The following ACACA variants were observed in gnomAD, a reference collection of about 807,000 sequenced individuals.
The protein encoded by ACACA is acetyl-CoA carboxylase 1.
In ACACA, 103 loss-of-function variants were observed where a neutral mutation model predicts 296.1. That is an observed-to-expected ratio of 0.35 (90% CI 0.30 to 0.41). The LOEUF (loss-of-function observed/expected upper bound fraction) is 0.41. ACACA is among the 10% of genes least tolerant of loss of function. The pLI is 1.00. For synonymous variants in ACACA, 953 were observed against 1,038.6 expected, an observed-to-expected ratio of 0.92 and a Z score of 1.58; for missense variants, 1,554 against 2,989.7, an observed-to-expected ratio of 0.52 and a Z score of 11.20.
chr17:37,155,269 C>T (rs1020436192), intron 43 of ACACA, among the ~76,000 whole-genome samples: 2 of 151,874 alleles, frequency 1.3e-5, no homozygotes, highest in African/African-American at 4.8e-5. Flanking sequence ...TAAGAATACA[C>T]GAAATTTCCC....
chr17:37,237,330 G>A (rs1454705543), intron 24 of ACACA, among the ~76,000 whole-genome samples: 1 of 152,078 alleles, frequency 6.6e-6, no homozygotes, highest in Non-Finnish European at 1.5e-5. Flanking sequence ...AAATACTCCT[G>A]TATATGTATC....
chr17:37,093,330 A>G (rs2072768817), intron 54 of ACACA, among the ~76,000 whole-genome samples: 1 of 152,220 alleles, frequency 6.6e-6, no homozygotes, highest in South Asian at 2.1e-4. Flanking sequence ...ATGCCAAACC[A>G]AAGAGCGTCT....
intron 24 of ACACA, among the ~76,000 whole-genome samples, 176 bp from the exon 25 acceptor site, chr17:37,235,275 G>C (rs2080056216): frequency 6.6e-6 from 1 of 152,138 alleles, no homozygotes; most frequent in South Asian, 2.1e-4. Flanking sequence ...AGGAACACTG[G>C]ACTAGGAGTC....
intron 1 of ACACA, among the ~76,000 whole-genome samples, chr17:37,349,521 G>A (rs2147451967): frequency 6.8e-6 from 1 of 146,864 alleles, no homozygotes; most frequent in Non-Finnish European, 1.5e-5. Flanking sequence ...TTACATATGT[G>A]TGTGTGTGTG....
chr17:37,344,074 A>G (rs1283179925), intron 1 of ACACA, among the ~76,000 whole-genome samples: 1 of 151,638 alleles, frequency 6.6e-6, no homozygotes, highest in Non-Finnish European at 1.5e-5. Context: ...CAAAAAATAT[A>G]AACAAAAAAA....
chr17:37,354,492 T>C (rs2049042899), intron 1 of ACACA, among the ~76,000 whole-genome samples: 1 of 152,250 alleles, frequency 6.6e-6, no homozygotes, highest in Non-Finnish European at 1.5e-5. Flanking sequence ...TAAGAATTAA[T>C]GCCATATCAA....
At chr17:37,145,048 A>G (rs1215318710) in intron 45 of ACACA, among the ~76,000 whole-genome samples, 1 of 152,216 alleles carries the variant, frequency 6.6e-6, no homozygotes, top group Non-Finnish European at 1.5e-5. Context: ...TCCAGTACAC[A>G]TCAGTGTTCC....
chr17:37,218,324 T>C (rs1297101275), intron 29 of ACACA, among the ~76,000 whole-genome samples: 1 of 152,208 alleles, frequency 6.6e-6, no homozygotes, highest in Non-Finnish European at 1.5e-5. Flanking sequence ...ATTTCAAAGA[T>C]ACAGTATGAA....
At chr17:37,210,425 TA>T in intron 30 of ACACA, 41 bp downstream of exon 30, 1 of 1,579,050 alleles carries the variant, frequency 6.3e-7, no homozygotes, top group Non-Finnish European at 8.7e-7. Context: ...CTAAGTTACA[TA>T]AAGGTGCTTT....
At chr17:37,300,453 A>G (rs1332452979) in intron 3 of ACACA, among the ~76,000 whole-genome samples, 1 of 152,210 alleles carries the variant, frequency 6.6e-6, no homozygotes, top group African/African-American at 2.4e-5. Flanking sequence ...GCAAGTCCTC[A>G]GGACTGTACA....
intron 1 of ACACA, among the ~76,000 whole-genome samples, chr17:37,390,036 A>C (rs1430276277): frequency 1.4e-5 from 2 of 144,060 alleles, no homozygotes; most frequent in Non-Finnish European, 3.0e-5. Context: ...CTGCAATCCC[A>C]GTGCTTTGGG....
intron 25 of ACACA, among the ~76,000 whole-genome samples, chr17:37,227,006 A>T (rs1243109060): frequency 3.9e-5 from 6 of 152,128 alleles, no homozygotes. Flanking sequence ...TATGCTGGCA[A>T]TTCTGCATCC....
chr17:37,224,379 A>C (rs1363533411), intron 27 of ACACA, among the ~76,000 whole-genome samples: 3 of 152,284 alleles, frequency 2.0e-5, no homozygotes, highest in Non-Finnish European at 2.9e-5. Flanking sequence ...CCCCTGGGCC[A>C]GATATAACAA....
intron 25 of ACACA, 102 bp from the exon 26 acceptor site, chr17:37,226,554 C>G: frequency 9.8e-7 from 1 of 1,022,832 alleles, no homozygotes; most frequent in South Asian, 1.3e-5. Flanking sequence ...GTAAACCCAG[C>G]TGGATTAATA....
intron 41 of ACACA, among the ~76,000 whole-genome samples, chr17:37,173,829 T>C (rs948459389): frequency 6.7e-5 from 10 of 148,806 alleles, no homozygotes; most frequent in African/African-American, 2.5e-4. Context: ...TCTTTTTTTT[T>C]TTCAGCCAGA....
At position 37,376,036 on chromosome 17, in the gene ACACA, A is replaced by G; in HGVS notation, c.38+30226T>C. On this transcript the variant is annotated intron_variant, in intron 1 of 55. Transcript: ENST00000616317. ...GAAAGCAACTAGAGGCAGAGCTATC[A>G]AGGGCTGTGACAGATGAGCAGTGGT... 6.1e-6 allele frequency: 9 copies of G among 1,470,672 alleles called. No individual in the cohort carries two copies. In the South Asian group the frequency reaches 1.0e-4, roughly 17 times the overall value. The allele number at this position is 1,470,672 out of a possible 1,614,324, so 91.1% of individuals were successfully genotyped here.
At chr17:37,280,730 AACACACACACACACACAC>A (rs71979048) in intron 5 of ACACA, among the ~76,000 whole-genome samples, 3 of 146,374 alleles carry the variant, frequency 2.0e-5, no homozygotes, top group Admixed American at 6.9e-5. Flanking sequence ...TTACATAGTT[AACACACACACACACACAC>A]ACACACACAC....
intron 1 of ACACA, chr17:37,385,996 CTT>C (rs2050509660): frequency 3.3e-6 from 5 of 1,524,818 alleles, no homozygotes. Context: ...ATCTTTTCTA[CTT>C]TGTTTTATAG....
Position 37,310,601 on chromosome 17 carries a change from CTGG to C in ACACA, c.338+19569_338+19571del, listed in dbSNP as rs376516623. 4.7e-4 allele frequency among the ~76,000 whole-genome samples: 71 copies of C among 151,784 alleles called. 1 individual carries two copies. In the South Asian group the frequency reaches 0.015, roughly 31 times the overall value. The stretch of plus-strand genomic sequence containing the variant: ...CTGAGGTCAGGAGTCCAAGACCAGC[CTGG>C]ACAACATGGTGAAACCCTGTCTCTA... On this transcript the variant is annotated intron_variant, in intron 3 of 55. Transcript: ENST00000616317.
Sources: allele counts gnomAD v4.1 joint callset (sites outside exome capture counted in the v4.1 genomes callset), GRCh38; gene constraint gnomAD v4.1.1; transcripts MANE v1.5; gene names NCBI Gene and HGNC (gene_info 2026-07-23, HGNC 2026-07-21).